The following AVL9 variants were observed in gnomAD, a reference collection of about 807,000 sequenced individuals.
AVL9 encodes the protein AVL9 cell migration associated.
Under a neutral mutation model 79.2 loss-of-function variants are expected in AVL9, and 49 were observed. The ratio of observed to expected loss-of-function variants is 0.62; its 90% CI spans 0.49 to 0.79. The LOEUF is 0.79. Among genes scored for constraint, AVL9 ranks in the 30% least tolerant of loss-of-function variants. AVL9 has a pLI of 0.00. For missense variants in AVL9, 682 were observed against 776.8 expected (o/e 0.88, Z 1.45); for synonymous variants, 299 against 280.6 (o/e 1.07, Z -0.65).
chr7:32,580,333 A>G, intron 14 of AVL9, 61 bp downstream of exon 14: 1 of 1,320,870 alleles, frequency 7.6e-7, no homozygotes, highest in African/African-American at 1.5e-5. Context: ...CATGTGTTTC[A>G]TTGCTAATTG....
At chr7:32,495,929 C>A in intron 1 of AVL9, 127 bp downstream of exon 1, 1 of 534,684 alleles carries the variant, frequency 1.9e-6, no homozygotes, top group Non-Finnish European at 3.0e-6. Flanking sequence ...CGACCCTTCG[C>A]CTCTCAACCT....
chr7:32,514,270 G>T (rs1202480600), intron 1 of AVL9, among the ~76,000 whole-genome samples: 2 of 152,204 alleles, frequency 1.3e-5, no homozygotes, highest in Non-Finnish European at 2.9e-5. Flanking sequence ...CAATACCCAG[G>T]CTTTCTTGGG....
At position 32,495,672 on chromosome 7, in the gene AVL9, G is replaced by A; in HGVS notation, c.-38G>A. 3 of 1,238,120 alleles carry A rather than the reference G, an allele frequency of 2.4e-6. No individual in the cohort carries two copies. Among genetic ancestry groups the A allele is most frequent in the Non-Finnish European group, 3.1e-6 (3 of 975,958 alleles). 76.7% of individuals were successfully genotyped at this position (1,238,120 alleles called of 1,614,324 possible). ...GGGGTCGTCAGACCCGCTGCCCTTG[G>A]CGGTCGAAGTCGTCGTGCGGGCCCG... On this transcript the variant is annotated 5_prime_UTR_variant, in exon 1 of 16. Transcript: ENST00000318709.
chr7:32,567,207 T>A (rs1298524335), intron 10 of AVL9, among the ~76,000 whole-genome samples: 1 of 152,058 alleles, frequency 6.6e-6, no homozygotes, highest in East Asian at 1.9e-4. Flanking sequence ...GCTCATGGGA[T>A]CCTCCCACCT....
chr7:32,556,050 A>G (rs1447193315), intron 8 of AVL9, among the ~76,000 whole-genome samples: 1 of 152,194 alleles, frequency 6.6e-6, no homozygotes, highest in Non-Finnish European at 1.5e-5. Flanking sequence ...TGGCATGTTA[A>G]GTGAGAAAAG....
At chr7:32,505,093 C>T (rs1376564037) in intron 1 of AVL9, among the ~76,000 whole-genome samples, 4 of 150,376 alleles carry the variant, frequency 2.7e-5, no homozygotes, top group Non-Finnish European at 4.4e-5. Context: ...AGGCTGGTCT[C>T]GAACTCCTGA....
chr7:32,499,342 A>G (rs551382548), intron 1 of AVL9, among the ~76,000 whole-genome samples: 1 of 126,378 alleles, frequency 7.9e-6, no homozygotes, highest in South Asian at 3.0e-4. Context: ...CATCAAATAT[A>G]TATCACATTA....
intron 1 of AVL9, among the ~76,000 whole-genome samples, chr7:32,504,483 CTT>C (rs1787321394): frequency 6.6e-6 from 1 of 152,134 alleles, no homozygotes; most frequent in Non-Finnish European, 1.5e-5. Context: ...TAAATTCTCT[CTT>C]ATCTCTTTTA....
intron 1 of AVL9, among the ~76,000 whole-genome samples, chr7:32,512,349 T>C (rs929540457): frequency 2.6e-5 from 4 of 152,210 alleles, no homozygotes; most frequent in African/African-American, 9.7e-5. Context: ...TTCAAAGCCC[T>C]TTCACATCAT....
intron 1 of AVL9, among the ~76,000 whole-genome samples, chr7:32,519,521 G>A (rs1479547388): frequency 6.6e-6 from 1 of 152,008 alleles, no homozygotes; most frequent in Non-Finnish European, 1.5e-5. Flanking sequence ...GCAGTCTTTG[G>A]TAAGATTAAT....
Position 32,586,470 on chromosome 7 carries a change from C to G in AVL9, c.*2563C>G, listed in dbSNP as rs113949184. The G allele has an allele frequency of 3.9e-5, 2 of 51,208 alleles. No individual in the cohort carries two copies. Among genetic ancestry groups the G allele is most frequent in the African/African-American group, 1.3e-4 (2 of 15,668 alleles). 3.2% of individuals were successfully genotyped at this position (51,208 alleles called of 1,614,324 possible). A position where few individuals can be genotyped will look rare whatever the true frequency, so the allele number is the denominator to read the frequency against. On this transcript the variant is annotated 3_prime_UTR_variant, in exon 16 of 16. Coordinates refer to ENST00000318709, the MANE Select transcript of AVL9 (RefSeq NM_015060.3). Reference sequence around the variant, plus strand: ...CACCCCTGGTCCTGTGACCCCCCCCCCCCACACACACACATACTTCAGGCT... The same window carrying G: ...CACCCCTGGTCCTGTGACCCCCCCCGCCCACACACACACATACTTCAGGCT...
At chr7:32,515,619 G>A (rs937798547) in intron 1 of AVL9, among the ~76,000 whole-genome samples, 3 of 152,206 alleles carry the variant, frequency 2.0e-5, no homozygotes, top group African/African-American at 7.2e-5. Context: ...GAATGGTAGA[G>A]AGCAGTCTTC....
chr7:32,552,150 G>C (rs1005246229), intron 5 of AVL9, 79 bp from the exon 6 acceptor site: 10 of 908,424 alleles, frequency 1.1e-5, no homozygotes, highest in African/African-American at 3.4e-5. Flanking sequence ...TAAGGAATCA[G>C]CTTTTTTCTG....
At chr7:32,548,996 TAAG>T in intron 4 of AVL9, 78 bp downstream of exon 4, 2 of 889,110 alleles carry the variant, frequency 2.2e-6, no homozygotes, top group Admixed American at 2.8e-5. Flanking sequence ...ACTATTAGAA[TAAG>T]AAGAGATTTA....
At chr7:32,579,601 ATT>A (rs1646197387) in intron 13 of AVL9, among the ~76,000 whole-genome samples, 2 of 4,102 alleles carry the variant, frequency 4.9e-4, no homozygotes, top group Non-Finnish European at 8.1e-4. Context: ...TATATTATAT[ATT>A]ATATTATATA....
chr7:32,558,290 T>C (rs1303675633), intron 8 of AVL9, among the ~76,000 whole-genome samples: 2 of 151,954 alleles, frequency 1.3e-5, no homozygotes, highest in East Asian at 3.9e-4. Flanking sequence ...CCTGAGTAGC[T>C]GGGACCACAG....
At chr7:32,558,495 A>G (rs541639254) in intron 8 of AVL9, 64 bp from the exon 9 acceptor site, 4 of 1,261,060 alleles carry the variant, frequency 3.2e-6, no homozygotes, top group Non-Finnish European at 4.5e-6. Context: ...CCTCTTTTTT[A>G]TTTGTTATCA....
chr7:32,496,282 C>CA (rs1202574811), intron 1 of AVL9, among the ~76,000 whole-genome samples: 3 of 152,208 alleles, frequency 2.0e-5, no homozygotes, highest in African/African-American at 4.8e-5. Flanking sequence ...GTAGAAAAAT[C>CA]AGCTTCCTTT....
intron 13 of AVL9, among the ~76,000 whole-genome samples, chr7:32,578,613 G>A (rs1025899038): frequency 2.6e-5 from 4 of 152,100 alleles, no homozygotes; most frequent in Admixed American, 1.3e-4. Flanking sequence ...TTCAAGACCA[G>A]CCTGGGCAAC....
Sources: allele counts gnomAD v4.1 joint callset (sites outside exome capture counted in the v4.1 genomes callset), GRCh38; gene constraint gnomAD v4.1.1; transcripts MANE v1.5; gene names NCBI Gene and HGNC (gene_info 2026-07-23, HGNC 2026-07-21).